Variants in DNAH12 observed in about 807,000 individuals in gnomAD.
The protein encoded by DNAH12 is axonemal beta dynein heavy chain 12.
In DNAH12, 285 loss-of-function variants were observed where a neutral mutation model predicts 371.5. That is an observed-to-expected ratio of 0.77 (90% confidence interval 0.70 to 0.85). The LOEUF (loss-of-function observed/expected upper bound fraction) is 0.85, where lower values mean the gene tolerates loss of function less well. DNAH12 is among the 40% of genes least tolerant of loss of function. The pLI is 0.00. For missense variants in DNAH12, 3,611 were observed against 3,689.4 expected (o/e 0.98, Z 0.55); for synonymous variants, 1,200 against 1,213.0 (o/e 0.99, Z 0.22).
chr3:57,388,758 C>T (rs2063547870), intron 45 of DNAH12, among the ~76,000 whole-genome samples: 1 of 151,780 alleles, frequency 6.6e-6, no homozygotes, highest in African/African-American at 2.4e-5. Flanking sequence ...TTTGTAGGGA[C>T]ATGGATGAAG....
At chr3:57,322,700 C>T (rs556098394) in intron 64 of DNAH12, among the ~76,000 whole-genome samples, 242 of 152,296 alleles carry the variant, frequency 1.6e-3, no homozygotes, top group Middle Eastern at 3.4e-3. Flanking sequence ...GAGGCTGAGG[C>T]GGGTGGATCA....
At chr3:57,509,380 CCTTA>C (rs1378448468) in intron 5 of DNAH12, among the ~76,000 whole-genome samples, 168 bp from the exon 6 acceptor site, 2 of 152,080 alleles carry the variant, frequency 1.3e-5, no homozygotes, top group African/African-American at 4.8e-5. Flanking sequence ...AGTATTTTGG[CCTTA>C]CTTGAGAGTT....
chr3:57,310,217 A>G (rs770143096), intron 67 of DNAH12, among the ~76,000 whole-genome samples: 1 of 152,068 alleles, frequency 6.6e-6, no homozygotes, highest in Non-Finnish European at 1.5e-5. Context: ...CTTTCCCACA[A>G]TGTATTGCCC....
intron 4 of DNAH12, among the ~76,000 whole-genome samples, chr3:57,516,341 C>T (rs570005065): frequency 2.9e-4 from 44 of 152,206 alleles, no homozygotes; most frequent in African/African-American, 9.6e-4. Context: ...GGATTACAGG[C>T]ATGAGCCACC....
chr3:57,383,935 C>T (rs2317878), intron 49 of DNAH12, among the ~76,000 whole-genome samples: 17 of 151,996 alleles, frequency 1.1e-4, no homozygotes, highest in Admixed American at 9.8e-4. Context: ...AATCAGAGTT[C>T]GATCCTGTGA....
the DNAH12 span, among the ~76,000 whole-genome samples, chr3:57,554,976 T>C: frequency 6.6e-6 from 1 of 151,630 alleles, no homozygotes; most frequent in Non-Finnish European, 1.5e-5. Flanking sequence ...CCAGGGGAGG[T>C]GGTTTTCACT....
chr3:57,400,121 C>T (rs2063826602), intron 43 of DNAH12, among the ~76,000 whole-genome samples: 2 of 152,186 alleles, frequency 1.3e-5, no homozygotes, highest in East Asian at 1.9e-4. Context: ...AACCCCATCT[C>T]TACAAAAAAT....
intron 9 of DNAH12, 105 bp downstream of exon 9, chr3:57,503,911 A>G: frequency 1.1e-6 from 1 of 899,492 alleles, no homozygotes; most frequent in Non-Finnish European, 1.6e-6. Flanking sequence ...TAATTGGGGG[A>G]GGAAAATAAC....
At chr3:57,414,791 T>C (rs1373911837) in intron 38 of DNAH12, among the ~76,000 whole-genome samples, 1 of 152,180 alleles carries the variant, frequency 6.6e-6, no homozygotes, top group Non-Finnish European at 1.5e-5. Context: ...GTAAAGGAGT[T>C]CTAAATTTGT....
Position 57,458,227 on chromosome 3 carries a change from G to T in DNAH12, c.2932-7C>A. 1.9e-6 allele frequency: 3 copies of T among 1,539,938 alleles called. No individual in the cohort carries two copies. The highest frequency in any genetic ancestry group is 1.2e-5 in the South Asian group (1 of 80,958). On this transcript the variant is annotated splice_polypyrimidine_tract_variant and splice_region_variant and intron_variant, in intron 20 of 73. Coordinates refer to ENST00000495027, the MANE Select transcript of DNAH12 (RefSeq NM_001366028.2). ...AAGAAGTGGCAGCAAGAACCTAAAC[G>T]AGACACATGCATTCAAGTCAGCACT...
At chr3:57,493,400 T>A (rs1218230965) in intron 11 of DNAH12, among the ~76,000 whole-genome samples, 1 of 152,198 alleles carries the variant, frequency 6.6e-6, no homozygotes, top group Non-Finnish European at 1.5e-5. Flanking sequence ...TACTGGAGGA[T>A]GTGCATAAAT....
rs1170096855 is a variant in DNAH12, at chr3:57,444,737, T to C, written c.4505A>G (p.Asp1502Gly). 6.5e-7 allele frequency: 1 copy of C among 1,550,256 alleles called. No homozygotes were observed. The part of the protein sequence containing the change: ...DIPLFNGITS[D>G]LFPGIKLPEA... ...AGGAAGTTTAATACCAGGAAATAAG[T>C]CACTAGTTATTCCATTAAATAAAGG... The change falls in exon 29 of 74, where the codon GAC (aspartate) becomes GGC (glycine). Residue 1502 changes from aspartate to glycine, a missense_variant. Around this residue, in one of 3 missense-constraint regions of DNAH12, gnomAD observed 2,266 missense variants for 2,236.9 expected, o/e 1.01. Transcript: ENST00000495027.
At chr3:57,482,364 A>T (rs1343884469) in intron 13 of DNAH12, among the ~76,000 whole-genome samples, 1 of 152,186 alleles carries the variant, frequency 6.6e-6, no homozygotes, top group Non-Finnish European at 1.5e-5. Context: ...AATCAAAACC[A>T]CAATGAGATA....
intron 60 of DNAH12, among the ~76,000 whole-genome samples, chr3:57,336,682 A>G (rs2062231242): frequency 2.0e-5 from 3 of 152,200 alleles, no homozygotes; most frequent in African/African-American, 7.2e-5. Context: ...ATTTTTTTAA[A>G]AAATCATTAA....
intron 4 of DNAH12, among the ~76,000 whole-genome samples, chr3:57,521,827 C>G (rs2068458949): frequency 6.6e-6 from 1 of 152,104 alleles, no homozygotes; most frequent in African/African-American, 2.4e-5. Flanking sequence ...ACAGAGGTAG[C>G]AGTGAGCCAA....
At chr3:57,415,303 A>C (rs9811855) in intron 38 of DNAH12, 123 bp downstream of exon 38, 632,856 of 1,316,050 alleles carry the variant, frequency 0.48, 156,497 homozygotes, top group African/African-American at 0.76. Flanking sequence ...GTAACTCCCC[A>C]AACATTTGAA....
At chr3:57,374,807 T>C (rs1021351505) in intron 55 of DNAH12, among the ~76,000 whole-genome samples, 68 of 152,284 alleles carry the variant, frequency 4.5e-4, no homozygotes, top group African/African-American at 1.5e-3. Context: ...ATATACATTA[T>C]GATTCCTTTA....
chr3:57,450,167 GA>G (rs2065712238), intron 25 of DNAH12, among the ~76,000 whole-genome samples: 1 of 151,124 alleles, frequency 6.6e-6, no homozygotes, highest in Non-Finnish European at 1.5e-5. Flanking sequence ...AGAATCACTT[GA>G]ACCTGGGAGG....
At chr3:57,412,526 T>C (rs1216699437) in intron 39 of DNAH12, among the ~76,000 whole-genome samples, 2 of 152,112 alleles carry the variant, frequency 1.3e-5, no homozygotes, top group African/African-American at 2.4e-5. Context: ...GAGAAAATAA[T>C]TGCAAATGAC....
Sources: allele counts gnomAD v4.1 joint callset (sites outside exome capture counted in the v4.1 genomes callset), GRCh38; gene constraint gnomAD v4.1.1; regional missense constraint gnomAD v4.1.1; transcripts MANE v1.5; gene names NCBI Gene and HGNC (gene_info 2026-07-23, HGNC 2026-07-21).